PCDHGA1: variants seen among roughly 807,000 people sequenced by gnomAD.
PCDHGA1 encodes the protein protocadherin gamma subfamily A, 1, also known as protocadherin gamma-A1.
Under a neutral mutation model 58.0 loss-of-function variants are expected in PCDHGA1, and 32 were observed. The observed-to-expected ratio is 0.55, with a 90% CI of 0.42 to 0.74. The LOEUF (loss-of-function observed/expected upper bound fraction) is 0.74, where lower values mean the gene tolerates loss of function less well. Ranked by LOEUF, PCDHGA1 falls within the 30% of genes least tolerant of loss-of-function variation. The pLI, the probability that PCDHGA1 is intolerant of heterozygous loss-of-function variation, is 0.00. For synonymous variants in PCDHGA1, 498 were observed against 501.1 expected, an observed-to-expected ratio of 0.99 and a Z score of 0.08; for missense variants, 1,205 against 1,182.3, an observed-to-expected ratio of 1.02 and a Z score of -0.28.
At chr5:141,371,952 T>C (rs1377821829) in intron 1 of PCDHGA1, 1 of 1,613,142 alleles carries the variant, frequency 6.2e-7, no homozygotes, top group African/African-American at 1.3e-5. Flanking sequence ...GCAGCGAGCC[T>C]TCGACCACGA....
At chr5:141,400,411 T>G in intron 1 of PCDHGA1, 1 of 1,614,062 alleles carries the variant, frequency 6.2e-7, no homozygotes, top group Non-Finnish European at 8.5e-7. Flanking sequence ...GGAGTTTAAT[T>G]TCCTAAAATG....
At chr5:141,365,397 T>A (rs1763890362) in intron 1 of PCDHGA1, 1 of 1,613,844 alleles carries the variant, frequency 6.2e-7, no homozygotes, top group Non-Finnish European at 8.5e-7. Context: ...ACCAGTTCGA[T>A]CTCTGAAGAC....
chr5:141,391,906 T>C (rs2092441756), intron 1 of PCDHGA1: 2 of 152,218 alleles, frequency 1.3e-5, no homozygotes, highest in Non-Finnish European at 2.9e-5. Flanking sequence ...GCTTTGCTTT[T>C]TATCATATAT....
chr5:141,370,376 C>T, intron 1 of PCDHGA1: 1 of 1,527,960 alleles, frequency 6.5e-7, no homozygotes, highest in Non-Finnish European at 8.8e-7. Flanking sequence ...TTTAGAAAGG[C>T]AAAGGCGCAG....
At chr5:141,365,911 C>T (rs769865478) in intron 1 of PCDHGA1, 33 of 1,614,102 alleles carry the variant, frequency 2.0e-5, no homozygotes, top group African/African-American at 2.7e-5. Context: ...AGTTGAGAGA[C>T]CTACAGTTGT....
chr5:141,370,423 C>T, intron 1 of PCDHGA1: 1 of 1,586,808 alleles, frequency 6.3e-7, no homozygotes, highest in African/African-American at 1.3e-5. Context: ...TGGAGGGGCC[C>T]AGCAGGGCAG....
rs1245526846 is a variant in PCDHGA1, at chr5:141,512,505, C to T, written c.*1332C>T. ...GCCACTGCCCAGGTCCCCAGTGCGCCCCCTAGTGGCCATAGCCTGGTTAAA... is the reference window on the plus strand; with the variant it reads ...GCCACTGCCCAGGTCCCCAGTGCGCTCCCTAGTGGCCATAGCCTGGTTAAA... On this transcript the variant is annotated 3_prime_UTR_variant, in exon 4 of 4. Transcript: ENST00000517417. The T allele has an allele frequency of 1.3e-5, 2 of 152,888 alleles. No individual in the cohort carries two copies. The highest frequency in any genetic ancestry group is 4.8e-5 in the African/African-American group (2 of 41,466). 9.5% of individuals were successfully genotyped at this position (152,888 alleles called of 1,614,324 possible). A position where few individuals can be genotyped will look rare whatever the true frequency, so the allele number is the denominator to read the frequency against.
In PCDHGA1 at chr5:141,476,650, A is replaced by G. The variant is rs2099395609; in HGVS notation, c.2422-18157A>G. 6.2e-7 allele frequency: 1 copy of G among 1,614,126 alleles called. No individual in the cohort carries two copies. The highest frequency in any genetic ancestry group is 1.3e-5 in the African/African-American group (1 of 74,952). On this transcript the variant is annotated intron_variant, in intron 1 of 3. Transcript: ENST00000517417. This position sits in a 1 kb window ranked among gnomAD's most constrained non-coding sequence, Gnocchi z 7.6. Reference sequence around the variant, plus strand: ...AAACCTATGAGCTGAGCCGAAATGAATACTTTGCGCTTCGCGTGCAGACGC... The same window carrying G: ...AAACCTATGAGCTGAGCCGAAATGAGTACTTTGCGCTTCGCGTGCAGACGC...
rs374200575 is a variant in PCDHGA1 at position 141,432,105 on chromosome 5, C to G, written c.2422-62702C>G. On this transcript the variant is annotated intron_variant, in intron 1 of 3. Transcript: ENST00000517417. This position sits in a 1 kb window ranked among gnomAD's most constrained non-coding sequence, Gnocchi z 6.0. The stretch of plus-strand genomic sequence containing the variant: ...AACGTGGCAGACACCAACGACAACC[C>G]GCCGGTCTTCCCTCAGGCCTCCTAT... 1.2e-6 allele frequency: 2 copies of G among 1,614,172 alleles called. No individual in the cohort carries two copies. Among genetic ancestry groups the G allele is most frequent in the Non-Finnish European group, 1.7e-6 (2 of 1,180,034 alleles).
intron 1 of PCDHGA1, chr5:141,415,314 C>G (rs375384840): frequency 1.9e-6 from 3 of 1,614,238 alleles, no homozygotes; most frequent in South Asian, 1.1e-5. Context: ...CCTTCGTCAT[C>G]GTGCTGCTGG....
chr5:141,436,207 A>T (rs544201723), intron 1 of PCDHGA1, among the ~76,000 whole-genome samples: 1 of 152,142 alleles, frequency 6.6e-6, no homozygotes, highest in Admixed American at 6.5e-5. Context: ...ACATAATAGG[A>T]AAACAAATGA....
intron 1 of PCDHGA1, chr5:141,350,890 T>G (rs1196284967): frequency 3.7e-6 from 6 of 1,613,946 alleles, no homozygotes; most frequent in Non-Finnish European, 5.1e-6. Flanking sequence ...TAATCCTGAC[T>G]GCCATGGATG....
chr5:141,415,739 GGTTTTTT>G lies in PCDHGA1; in HGVS notation c.2422-79067_2422-79061del. 7.6e-5 allele frequency: 33 copies of G among 434,894 alleles called. No homozygotes were observed. In the African/African-American group the frequency reaches 8.5e-4, roughly 11 times the overall value. The allele number at this position is 434,894 out of a possible 1,614,324, so 26.9% of individuals were successfully genotyped here. A position where few individuals can be genotyped will look rare whatever the true frequency, so the allele number is the denominator to read the frequency against. On this transcript the variant is annotated intron_variant, in intron 1 of 3. Transcript: ENST00000517417. ...ATGAGTAGAATTTGATGTTTATTAA[GGTTTTTT>G]TTTTTTTTTTTTTTTTTTTTTTTTT...
chr5:141,413,150 T>C, intron 1 of PCDHGA1: 1 of 1,573,292 alleles, frequency 6.4e-7, no homozygotes. Context: ...AGTGAGGACT[T>C]TGCAGAATTC....
intron 1 of PCDHGA1, chr5:141,426,408 G>A (rs2096933631): frequency 1.2e-5 from 3 of 258,388 alleles, no homozygotes; most frequent in South Asian, 4.8e-5. Flanking sequence ...CAGAAGAAAC[G>A]GTCCAGGGCT....
chr5:141,509,060 T>G (rs2099874519), intron 3 of PCDHGA1, among the ~76,000 whole-genome samples: 1 of 152,216 alleles, frequency 6.6e-6, no homozygotes, highest in Middle Eastern at 3.4e-3. Flanking sequence ...CAGAAAGCTC[T>G]CAGCTCCGGG....
At chr5:141,510,518 G>A (rs904482737) in intron 3 of PCDHGA1, among the ~76,000 whole-genome samples, 9 of 152,112 alleles carry the variant, frequency 5.9e-5, no homozygotes, top group Non-Finnish European at 1.0e-4. Flanking sequence ...CCGTGTCACA[G>A]CCCTGAGAGA....
intron 1 of PCDHGA1, chr5:141,383,080 G>C: frequency 1.9e-6 from 3 of 1,613,930 alleles, no homozygotes; most frequent in Non-Finnish European, 2.5e-6. Context: ...GGAGCTGGCG[G>C]AGCGCGGAGT....
chr5:141,394,152 G>A lies in PCDHGA1; in HGVS notation c.2421+61047G>A, dbSNP rs141035845. 5.0e-3 allele frequency: 8,040 copies of A among 1,613,782 alleles called. 48 individuals are homozygous for A. Among genetic ancestry groups the A allele is most frequent in the Admixed American group, 9.4e-3 (566 of 59,984 alleles). On this transcript the variant is annotated intron_variant, in intron 1 of 3. Coordinates refer to ENST00000517417, the MANE Select transcript of PCDHGA1 (RefSeq NM_018912.3). ...CGCTCTGCACGTGGCAGACATTAAC[G>A]ACAACCCTCCTACTTTCCCTCATGC...
Sources: gnomAD v4.1 joint callset for allele counts (sites outside exome capture counted in the v4.1 genomes callset) on GRCh38, gnomAD v4.1.1 for gene constraint, Gnocchi (gnomAD v3.1) non-coding constraint, MANE v1.5 for transcripts, NCBI Gene and HGNC (gene_info 2026-07-23, HGNC 2026-07-21) for gene names.